ADGRL3: variants seen among roughly 807,000 people sequenced by gnomAD.
ADGRL3 encodes adhesion G protein-coupled receptor L3.
ADGRL3 carries 62 observed loss-of-function variants against 153.5 expected under a neutral mutation model. The observed-to-expected ratio is 0.40, with a 90% CI of 0.33 to 0.50. ADGRL3 has a LOEUF of 0.50. ADGRL3 is among the 20% of genes least tolerant of loss of function. The probability of loss-of-function intolerance (pLI) is 0.47; values close to 1 mark genes in which losing one functional copy is unlikely to be tolerated. For synonymous variants in ADGRL3, 710 were observed against 672.5 expected, an observed-to-expected ratio of 1.06 and a Z score of -0.86; for missense variants, 1,641 against 1,859.4, an observed-to-expected ratio of 0.88 and a Z score of 2.16.
intron 9 of ADGRL3, among the ~76,000 whole-genome samples, chr4:61,885,396 G>C (rs1447121901): frequency 6.6e-6 from 1 of 152,116 alleles, no homozygotes; most frequent in East Asian, 1.9e-4. Context: ...TTGTTCCATT[G>C]TTCTACTTAT....
intron 1 of ADGRL3, among the ~76,000 whole-genome samples, chr4:61,303,439 G>T (rs1228256145): frequency 6.6e-6 from 1 of 151,848 alleles, no homozygotes; most frequent in Admixed American, 6.6e-5. Flanking sequence ...AGGTGATACA[G>T]ATAACTCTGG....
chr4:61,200,358 TACCCCGCGCGCAGGCTGCACGG>T lies in ADGRL3; in HGVS notation c.-1646_-1625del, dbSNP rs1424977811. ...CCTCCGCTCCGGCCCCGGCTGCGCCTACCCCGCGCGCAGGCTGCACGGTCCCCGCGCGCCCGCGCTCTGACCC... is the reference window on the plus strand; with the variant it reads ...CCTCCGCTCCGGCCCCGGCTGCGCCTTCCCCGCGCGCCCGCGCTCTGACCC... On this transcript the variant is annotated 5_prime_UTR_variant, in exon 1 of 27. Transcript: ENST00000683033. 1.3e-5 allele frequency among the ~76,000 whole-genome samples: 2 copies of T among 150,458 alleles called. No individual in the cohort carries two copies. The highest frequency in any genetic ancestry group is 2.5e-5 in the African/African-American group (1 of 40,750).
intron 4 of ADGRL3, among the ~76,000 whole-genome samples, chr4:61,519,176 A>G (rs2098515361): frequency 6.6e-6 from 1 of 152,224 alleles, no homozygotes; most frequent in Non-Finnish European, 1.5e-5. Context: ...AAAATTCAGA[A>G]TATCAATTAG....
intron 9 of ADGRL3, among the ~76,000 whole-genome samples, chr4:61,831,411 TAAAAAAAAAAAAA>T (rs1166970099): frequency 4.6e-4 from 17 of 37,302 alleles, no homozygotes; most frequent in South Asian, 1.4e-3. Context: ...AGATGCTAAG[TAAAAAAAAAAAAA>T]AAAAAAAAAA....
chr4:61,492,712 T>C (rs140106684), intron 2 of ADGRL3, among the ~76,000 whole-genome samples: 14 of 152,130 alleles, frequency 9.2e-5, no homozygotes, highest in Non-Finnish European at 1.3e-4. Context: ...TTTTAGAGTA[T>C]AATTGTGTTA....
chr4:61,588,771 G>A (rs2098957196), intron 5 of ADGRL3, among the ~76,000 whole-genome samples: 1 of 152,006 alleles, frequency 6.6e-6, no homozygotes. Context: ...ATTTAGTTGT[G>A]TGTAGGTATT....
intron 6 of ADGRL3, among the ~76,000 whole-genome samples, chr4:61,710,502 A>G (rs1412501842): frequency 1.3e-5 from 2 of 152,314 alleles, no homozygotes; most frequent in East Asian, 1.9e-4. Context: ...ACAGGTCCTT[A>G]TGCCCAAGTG....
chr4:61,595,507 C>T (rs2098985446), intron 5 of ADGRL3, among the ~76,000 whole-genome samples: 1 of 152,126 alleles, frequency 6.6e-6, no homozygotes, highest in African/African-American at 2.4e-5. Context: ...GGCGCCCTAT[C>T]CTACTGTGGC....
At chr4:62,059,053 C>T (rs1220743051) in intron 25 of ADGRL3, among the ~76,000 whole-genome samples, 1 of 152,146 alleles carries the variant, frequency 6.6e-6, no homozygotes, top group East Asian at 1.9e-4. Flanking sequence ...GTTTTCAGCA[C>T]AGTCAGTGCT....
rs1407244328 is a variant in ADGRL3 at position 61,380,203 on chromosome 4, T to C, written c.-239-2921T>C. Reference sequence around the variant, plus strand: ...GACACAGACTCACATTTTCTGTGTGTGTGTTTGTGTGTGTGTATGTGTATG... The same window carrying C: ...GACACAGACTCACATTTTCTGTGTGCGTGTTTGTGTGTGTGTATGTGTATG... On this transcript the variant is annotated intron_variant, in intron 1 of 26. Transcript: ENST00000683033. 2.0e-5 allele frequency among the ~76,000 whole-genome samples: 3 copies of C among 151,978 alleles called. No individual in the cohort carries two copies. The East Asian group carries it at 5.8e-4, about 29-fold the overall frequency.
intron 1 of ADGRL3, among the ~76,000 whole-genome samples, chr4:61,331,293 G>T (rs1401308689): frequency 6.6e-6 from 1 of 152,102 alleles, no homozygotes; most frequent in Non-Finnish European, 1.5e-5. Flanking sequence ...TCATCAGAAA[G>T]GTTATGTAGG....
chr4:61,557,014 A>T (rs1214264066), intron 4 of ADGRL3, among the ~76,000 whole-genome samples: 1 of 152,232 alleles, frequency 6.6e-6, no homozygotes, highest in East Asian at 1.9e-4. Flanking sequence ...GGAATTTACC[A>T]GAAAGCCTTC....
intron 1 of ADGRL3, among the ~76,000 whole-genome samples, chr4:61,262,132 C>T (rs1303619337): frequency 2.6e-5 from 4 of 152,202 alleles, no homozygotes; most frequent in African/African-American, 7.2e-5. Flanking sequence ...GCTATGCTCA[C>T]GTTATAATAA....
chr4:61,403,613 T>G (rs1274995771), intron 2 of ADGRL3, among the ~76,000 whole-genome samples: 1 of 152,094 alleles, frequency 6.6e-6, no homozygotes, highest in Non-Finnish European at 1.5e-5. Context: ...AGTAATCAAC[T>G]GTGGAACAAT....
At chr4:61,812,155 G>A (rs2097634780) in intron 8 of ADGRL3, among the ~76,000 whole-genome samples, 2 of 152,142 alleles carry the variant, frequency 1.3e-5, no homozygotes, top group African/African-American at 4.8e-5. Flanking sequence ...TCAATAAACT[G>A]TATTGAACAT....
At chr4:62,047,949 A>G (rs1458815914) in intron 25 of ADGRL3, among the ~76,000 whole-genome samples, 1 of 152,156 alleles carries the variant, frequency 6.6e-6, no homozygotes, top group East Asian at 1.9e-4. Context: ...GAGAGTTTCA[A>G]CAAAGATGAA....
intron 6 of ADGRL3, among the ~76,000 whole-genome samples, chr4:61,719,469 T>A (rs2096193963): frequency 6.6e-6 from 1 of 152,186 alleles, no homozygotes; most frequent in Non-Finnish European, 1.5e-5. Flanking sequence ...ACAAGTGTAC[T>A]GTAAGATACA....
intron 2 of ADGRL3, among the ~76,000 whole-genome samples, chr4:61,399,892 G>A (rs2096909970): frequency 1.3e-5 from 2 of 151,698 alleles, no homozygotes; most frequent in Admixed American, 6.6e-5. Flanking sequence ...AAATGACAGA[G>A]TATAATTTCT....
In ADGRL3 at chr4:61,609,221, T is replaced by C. The variant is rs551083729; in HGVS notation, c.473+21781T>C. Among the ~76,000 whole-genome samples, 4 of 152,226 alleles carry C rather than the reference T, an allele frequency of 2.6e-5. No individual in the cohort carries two copies. The South Asian group carries it at 8.3e-4, about 32-fold the overall frequency. ...TATCTGAGTTCCAAATTGTTTAATG[T>C]TGAGATTAATTAAAATTTGCTCATC... On this transcript the variant is annotated intron_variant, in intron 5 of 26. Coordinates refer to ENST00000683033, the MANE Select transcript of ADGRL3 (RefSeq NM_001387552.1).
Sources: allele counts gnomAD v4.1 joint callset (sites outside exome capture counted in the v4.1 genomes callset), GRCh38; gene constraint gnomAD v4.1.1; transcripts MANE v1.5; gene names NCBI Gene and HGNC (gene_info 2026-07-23, HGNC 2026-07-21).